The following XYLT1 variants were observed in gnomAD, a reference collection of about 807,000 sequenced individuals.
XYLT1 encodes the protein beta-D-xylosyltransferase 1.
XYLT1 carries 36 observed loss-of-function variants against 91.3 expected under a neutral mutation model. That is an observed-to-expected ratio of 0.39 (90% CI 0.30 to 0.52). XYLT1 has a LOEUF of 0.52. Among genes scored for constraint, XYLT1 ranks in the 20% least tolerant of loss-of-function variants. The probability of loss-of-function intolerance (pLI) is 0.68; values close to 1 mark genes in which losing one functional copy is unlikely to be tolerated. For synonymous variants in XYLT1, 588 were observed against 532.0 expected (o/e 1.11, Z -1.45); for missense variants, 1,242 against 1,284.5 (o/e 0.97, Z 0.51).
At chr16:17,216,007 C>A (rs139534698) in intron 3 of XYLT1, among the ~76,000 whole-genome samples, 1 of 152,266 alleles carries the variant, frequency 6.6e-6, no homozygotes, top group East Asian at 1.9e-4. Context: ...TGTGGGATGC[C>A]TTGCTTCATG....
chr16:17,245,678 C>A (rs952628292), intron 3 of XYLT1, among the ~76,000 whole-genome samples: 1 of 152,206 alleles, frequency 6.6e-6, no homozygotes, highest in Non-Finnish European at 1.5e-5. Context: ...AAGGCTCTAA[C>A]ACCAGAATGA....
chr16:17,255,328 G>A (rs1031569431), intron 3 of XYLT1, among the ~76,000 whole-genome samples: 15 of 152,092 alleles, frequency 9.9e-5, no homozygotes, highest in Admixed American at 9.8e-4. Flanking sequence ...GGTTTAATGG[G>A]AACATAGCGC....
intron 2 of XYLT1, among the ~76,000 whole-genome samples, chr16:17,282,258 C>T (rs2034068799): frequency 6.6e-6 from 1 of 152,126 alleles, no homozygotes; most frequent in Non-Finnish European, 1.5e-5. Context: ...AAGACCCTCA[C>T]CCCAGCCCCC....
At chr16:17,212,993 G>A (rs1026432678) in intron 3 of XYLT1, among the ~76,000 whole-genome samples, 2 of 152,192 alleles carry the variant, frequency 1.3e-5, no homozygotes, top group African/African-American at 4.8e-5. Flanking sequence ...CAGGTCCTGG[G>A]CTGAGCATTT....
intron 3 of XYLT1, among the ~76,000 whole-genome samples, chr16:17,212,781 G>C (rs1207233704): frequency 1.3e-5 from 2 of 152,162 alleles, no homozygotes; most frequent in Non-Finnish European, 1.5e-5. Flanking sequence ...TCAATAAATG[G>C]AAACTGGTGG....
rs574580643 is a variant in XYLT1, at chr16:17,312,645, C to T, written c.402+45367G>A. 7.4e-4 allele frequency among the ~76,000 whole-genome samples: 113 copies of T among 152,120 alleles called. 1 individual carries two copies. Among genetic ancestry groups the T allele is most frequent in the South Asian group, 1.9e-3 (9 of 4,818 alleles). ...ACTGCAGATTTTGTTTTTGTTTTCA[C>T]CCATTTTCAACATACTCATGTGTGT... On this transcript the variant is annotated intron_variant, in intron 2 of 11. Transcript: ENST00000261381. The surrounding 1 kb of genome is among the most constrained non-coding windows in gnomAD (Gnocchi z 4.4).
chr16:17,192,808 C>G (rs968347109), intron 5 of XYLT1: 4 of 123,254 alleles, frequency 3.2e-5, no homozygotes, highest in Admixed American at 8.0e-5. Context: ...TTTTCCCACC[C>G]TTTTTTTTTT....
At chr16:17,264,750 A>G (rs1471084972) in intron 2 of XYLT1, among the ~76,000 whole-genome samples, 2 of 152,234 alleles carry the variant, frequency 1.3e-5, no homozygotes, top group Admixed American at 6.5e-5. Context: ...ACTCCTTAAG[A>G]GGAGGAAACT....
chr16:17,343,842 C>T lies in XYLT1; in HGVS notation c.402+14170G>A, dbSNP rs750569890. The stretch of plus-strand genomic sequence containing the variant: ...ACCTCATCACACCCACAGTGAAACA[C>T]TTGGCACATGCTATCTTGTTTGTAA... On this transcript the variant is annotated intron_variant, in intron 2 of 11. Coordinates refer to ENST00000261381, the MANE Select transcript of XYLT1 (RefSeq NM_022166.4). 2.6e-5 allele frequency among the ~76,000 whole-genome samples: 4 copies of T among 152,206 alleles called. 1 individual carries two copies. In the South Asian group the frequency reaches 6.2e-4, roughly 24 times the overall value.
intron 3 of XYLT1, among the ~76,000 whole-genome samples, chr16:17,215,254 G>A (rs2032833863): frequency 6.6e-6 from 1 of 152,216 alleles, no homozygotes; most frequent in Admixed American, 6.5e-5. Context: ...TACTCAGGAG[G>A]CTGAGGCAGG....
At chr16:17,337,886 T>C (rs1045811467) in intron 2 of XYLT1, among the ~76,000 whole-genome samples, 6 of 150,868 alleles carry the variant, frequency 4.0e-5, no homozygotes, top group Admixed American at 2.0e-4. Flanking sequence ...GTTCAAGTGA[T>C]TCTTCTCAGC....
At chr16:17,314,569 C>T (rs1596477605) in intron 2 of XYLT1, among the ~76,000 whole-genome samples, 1 of 152,190 alleles carries the variant, frequency 6.6e-6, no homozygotes, top group African/African-American at 2.4e-5. Context: ...AAAATGTATG[C>T]ACAATCAGCT....
intron 1 of XYLT1, among the ~76,000 whole-genome samples, chr16:17,398,428 A>G (rs895557168): frequency 6.6e-6 from 1 of 152,160 alleles, no homozygotes; most frequent in Non-Finnish European, 1.5e-5. Context: ...TACATGGCAG[A>G]TTTAAGGACT....
chr16:17,215,274 T>C (rs758595357), intron 3 of XYLT1, among the ~76,000 whole-genome samples: 15 of 152,184 alleles, frequency 9.9e-5, no homozygotes, highest in Non-Finnish European at 1.8e-4. Flanking sequence ...GAGAATCACT[T>C]GAACCCAGGA....
chr16:17,112,328 T>C (rs1387182239), intron 11 of XYLT1, among the ~76,000 whole-genome samples: 1 of 151,972 alleles, frequency 6.6e-6, no homozygotes, highest in African/African-American at 2.4e-5. Context: ...CTGTCATTCA[T>C]TGGAACATCG....
At chr16:17,284,873 T>C (rs558369390) in intron 2 of XYLT1, among the ~76,000 whole-genome samples, 10 of 152,258 alleles carry the variant, frequency 6.6e-5, no homozygotes, top group African/African-American at 2.2e-4. Flanking sequence ...GGCTGTGATA[T>C]GGAGAATAGA....
chr16:17,449,371 G>C (rs2036635462), intron 1 of XYLT1, among the ~76,000 whole-genome samples: 1 of 152,238 alleles, frequency 6.6e-6, no homozygotes, highest in African/African-American at 2.4e-5. Flanking sequence ...GAGAAGATTG[G>C]GTGTCTGCCA....
At chr16:17,186,505 T>C (rs946637176) in intron 5 of XYLT1, among the ~76,000 whole-genome samples, 2 of 151,058 alleles carry the variant, frequency 1.3e-5, no homozygotes, top group Non-Finnish European at 2.9e-5. Context: ...GGGTCTTGCT[T>C]TGTTGCCCAA....
chr16:17,117,637 A>C lies in XYLT1; in HGVS notation c.2557+9T>G. ...GTATTTCTCCCACATAGACACTGGG[A>C]GTACTTACCAGGTTTGATGGGCTGC... On this transcript the variant is annotated intron_variant, in intron 11 of 11. Coordinates refer to ENST00000261381, the MANE Select transcript of XYLT1 (RefSeq NM_022166.4). The C allele has an allele frequency of 1.9e-6, 3 of 1,607,066 alleles. No homozygotes were observed. Among genetic ancestry groups the C allele is most frequent in the East Asian group, 4.5e-5 (2 of 44,726 alleles).
Sources: gnomAD v4.1 joint callset for allele counts (sites outside exome capture counted in the v4.1 genomes callset) on GRCh38, gnomAD v4.1.1 for gene constraint, Gnocchi (gnomAD v3.1) non-coding constraint, MANE v1.5 for transcripts, NCBI Gene and HGNC (gene_info 2026-07-23, HGNC 2026-07-21) for gene names.